MAP4: variants seen among roughly 807,000 people sequenced by gnomAD.
MAP4 encodes the protein microtubule associated protein 4.
In MAP4, 76 loss-of-function variants were observed where a neutral mutation model predicts 170.2. That is an observed-to-expected ratio of 0.45 (90% confidence interval 0.37 to 0.54). The LOEUF is 0.54. MAP4 is among the 20% of genes least tolerant of loss of function. The pLI, the probability that MAP4 is intolerant of heterozygous loss-of-function variation, is 0.00. For missense variants in MAP4, 2,506 were observed against 2,748.0 expected (o/e 0.91, Z 1.97); for synonymous variants, 909 against 994.5 (o/e 0.91, Z 1.62).
intron 2 of MAP4, among the ~76,000 whole-genome samples, chr3:47,984,091 C>T (rs1401269025): frequency 1.3e-5 from 2 of 152,108 alleles, no homozygotes; most frequent in Non-Finnish European, 2.9e-5. Context: ...TATCTGTTTA[C>T]TTTCTCCCTG....
chr3:48,052,757 G>A (rs2100128589), intron 1 of MAP4, among the ~76,000 whole-genome samples: 1 of 152,288 alleles, frequency 6.6e-6, no homozygotes, highest in Non-Finnish European at 1.5e-5. Context: ...TCACTAGGAG[G>A]ACATTTGGGG....
At chr3:48,038,676 G>A (rs1264535398) in intron 1 of MAP4, among the ~76,000 whole-genome samples, 1 of 152,126 alleles carries the variant, frequency 6.6e-6, no homozygotes, top group Non-Finnish European at 1.5e-5. Context: ...TAGCCAGGAT[G>A]GTCTTGAGCT....
intron 2 of MAP4, among the ~76,000 whole-genome samples, chr3:47,990,645 G>A (rs1336121464): frequency 6.6e-6 from 1 of 152,016 alleles, no homozygotes; most frequent in African/African-American, 2.4e-5. Context: ...TGTGTCTGAG[G>A]GTCAATACTG....
intron 9 of MAP4, among the ~76,000 whole-genome samples, chr3:47,907,027 G>C (rs1260273101): frequency 2.0e-5 from 3 of 152,036 alleles, no homozygotes; most frequent in African/African-American, 7.2e-5. Context: ...TAGAGATGGG[G>C]TTTCTCCACG....
chr3:47,880,786 T>C (rs907365092), intron 10 of MAP4, among the ~76,000 whole-genome samples: 18 of 152,296 alleles, frequency 1.2e-4, no homozygotes, highest in African/African-American at 4.8e-5. Flanking sequence ...TTTAAATTGA[T>C]TCAAGTTGGT....
intron 9 of MAP4, among the ~76,000 whole-genome samples, chr3:47,906,914 C>T (rs1008705706): frequency 6.6e-6 from 1 of 151,392 alleles, no homozygotes; most frequent in African/African-American, 2.4e-5. Flanking sequence ...CGGCTCACTG[C>T]AACCTCCACC....
chr3:47,915,096 G>A (rs1465651460), intron 7 of MAP4, among the ~76,000 whole-genome samples, 157 bp from the exon 8 acceptor site: 1 of 151,774 alleles, frequency 6.6e-6, no homozygotes, highest in Admixed American at 6.6e-5. Flanking sequence ...AGTTGGGAAG[G>A]TATGTCTAGT....
At chr3:47,861,300 G>A (rs1171122647) in intron 17 of MAP4, among the ~76,000 whole-genome samples, 1 of 151,798 alleles carries the variant, frequency 6.6e-6, no homozygotes, top group Non-Finnish European at 1.5e-5. Flanking sequence ...AGGCTGCAAT[G>A]AGCCGAGATC....
Position 47,872,505 on chromosome 3 carries a change from T to G in MAP4, c.5758-405A>C, listed in dbSNP as rs559772222. 1.3e-3 allele frequency among the ~76,000 whole-genome samples: 203 copies of G among 152,258 alleles called. 1 individual carries two copies. The highest frequency in any genetic ancestry group is 4.6e-3 in the African/African-American group (190 of 41,530). ...GACACAAGATGTGTCTATACAACCATGTATTGGAGAACAGGAGGTACTGTG... is the reference window on the plus strand; with the variant it reads ...GACACAAGATGTGTCTATACAACCAGGTATTGGAGAACAGGAGGTACTGTG... On this transcript the variant is annotated intron_variant, in intron 12 of 20. Transcript: ENST00000683076.
chr3:47,887,693 G>A (rs763231204), intron 10 of MAP4, among the ~76,000 whole-genome samples: 2 of 152,208 alleles, frequency 1.3e-5, no homozygotes, highest in Non-Finnish European at 2.9e-5. Context: ...GGGACGTGGA[G>A]AGTCTTTATA....
intron 10 of MAP4, among the ~76,000 whole-genome samples, chr3:47,895,603 A>C (rs2100026412): frequency 6.6e-6 from 1 of 152,258 alleles, no homozygotes; most frequent in African/African-American, 2.4e-5. Flanking sequence ...AAGGCAAAGA[A>C]CAAGCATAGA....
intron 2 of MAP4, among the ~76,000 whole-genome samples, chr3:47,998,318 G>A (rs926519630): frequency 3.3e-5 from 5 of 152,110 alleles, no homozygotes; most frequent in African/African-American, 7.2e-5. Context: ...TGATATAACC[G>A]CAGAATTTTA....
chr3:47,944,974 A>T (rs1480687475), intron 3 of MAP4, among the ~76,000 whole-genome samples: 3 of 146,140 alleles, frequency 2.1e-5, no homozygotes, highest in African/African-American at 2.5e-5. Context: ...TTTGAGATAC[A>T]TGCTAATATA....
intron 1 of MAP4, among the ~76,000 whole-genome samples, chr3:48,055,358 G>A (rs2100130461): frequency 6.6e-6 from 1 of 152,184 alleles, no homozygotes; most frequent in Non-Finnish European, 1.5e-5. Flanking sequence ...GCGATTGCAG[G>A]CCCGCGCCGC....
chr3:48,036,918 A>C (rs1380562470), intron 1 of MAP4, among the ~76,000 whole-genome samples: 3 of 152,228 alleles, frequency 2.0e-5, no homozygotes, highest in African/African-American at 7.2e-5. Context: ...TGAGAGATAA[A>C]GACTAAAATG....
At chr3:47,969,126 G>C (rs1291048385) in intron 3 of MAP4, among the ~76,000 whole-genome samples, 1 of 152,206 alleles carries the variant, frequency 6.6e-6, no homozygotes, top group Non-Finnish European at 1.5e-5. Flanking sequence ...ATTAGCACCT[G>C]GCTAGGTGCA....
At chr3:47,869,535 A>C (rs1292548143) in intron 15 of MAP4, among the ~76,000 whole-genome samples, 1 of 152,184 alleles carries the variant, frequency 6.6e-6, no homozygotes, top group Non-Finnish European at 1.5e-5. Flanking sequence ...AAGGAGCTGC[A>C]GGCCATAGTC....
At chr3:48,034,512 G>A (rs2100117788) in intron 1 of MAP4, among the ~76,000 whole-genome samples, 1 of 150,864 alleles carries the variant, frequency 6.6e-6, no homozygotes, top group Non-Finnish European at 1.5e-5. Context: ...AGACCAGCCT[G>A]GCCAACATAG....
intron 2 of MAP4, among the ~76,000 whole-genome samples, chr3:47,996,946 A>T (rs1030504258): frequency 2.0e-5 from 3 of 152,158 alleles, no homozygotes; most frequent in Non-Finnish European, 4.4e-5. Flanking sequence ...GAAATGCTAG[A>T]AATTAAAAAC....
Sources: gnomAD v4.1 joint callset for allele counts (sites outside exome capture counted in the v4.1 genomes callset) on GRCh38, gnomAD v4.1.1 for gene constraint, MANE v1.5 for transcripts, NCBI Gene and HGNC (gene_info 2026-07-23, HGNC 2026-07-21) for gene names.